The following NPC1 variants were observed in gnomAD, a reference collection of about 807,000 sequenced individuals.
NPC1 encodes NPC intracellular cholesterol transporter 1.
Under a neutral mutation model 140.4 loss-of-function variants are expected in NPC1, and 85 were observed. That is an observed-to-expected ratio of 0.61 (90% CI 0.51 to 0.72). The LOEUF (loss-of-function observed/expected upper bound fraction) is 0.72, where lower values mean the gene tolerates loss of function less well. Ranked by LOEUF, NPC1 falls within the 30% of genes least tolerant of loss-of-function variation. The pLI is 0.00. For missense variants in NPC1, 1,504 were observed against 1,623.8 expected (o/e 0.93, Z 1.27); for synonymous variants, 656 against 624.8 (o/e 1.05, Z -0.74).
At position 23,512,864 on chromosome 18, in the gene NPC1, C is replaced by A. The variant is rs146485581; in HGVS notation, c.432-6222G>T. ...GAAATAGCTCCAGAACTTTTTTCAT[C>A]TTGTGAAACCAAAACTATCCAGTAA... On this transcript the variant is annotated intron_variant, in intron 3 of 3. Transcript: ENST00000591107. Among the ~76,000 whole-genome samples the A allele has an allele frequency of 5.2e-3, 787 of 152,242 alleles. 7 individuals carry two copies. Among genetic ancestry groups the A allele is most frequent in the African/African-American group, 0.018 (761 of 41,534 alleles).
chr18:23,519,761 G>A (rs2058096884), downstream of NPC1, among the ~76,000 whole-genome samples: 3 of 152,188 alleles, frequency 2.0e-5, no homozygotes, highest in Admixed American at 2.0e-4. Flanking sequence ...TGTTGCAATT[G>A]TGAGCATGGA....
At position 23,544,940 on chromosome 18, in the gene NPC1, A is replaced by ACCCCCCCCCC. The variant is rs770879191; in HGVS notation, c.1947+19_1947+20insGGGGGGGGGG. On this transcript the variant is annotated intron_variant, in intron 12 of 24. Transcript: ENST00000269228. ...ACTGCTGTTAACCTCTAGAACATAC[A>ACCCCCCCCCC]CCACCCCCCCCCGGCTTACCAGAAG... is the stretch of plus-strand genomic sequence containing the variant. 2.5e-6 allele frequency: 3 copies of ACCCCCCCCCC among 1,206,146 alleles called. No homozygotes were observed. Among genetic ancestry groups the ACCCCCCCCCC allele is most frequent in the African/African-American group, 2.0e-5 (1 of 50,632 alleles). The allele number at this position is 1,206,146 out of a possible 1,614,324, so 74.7% of individuals were successfully genotyped here. A position where few individuals can be genotyped will look rare whatever the true frequency, so the allele number is the denominator to read the frequency against.
Position 23,531,584 on chromosome 18 carries a change from C to T in NPC1, c.*618G>A, listed in dbSNP as rs1361373693. The T allele has an allele frequency of 5.0e-6, 8 of 1,599,422 alleles. No homozygotes were observed. Among genetic ancestry groups the T allele is most frequent in the Non-Finnish European group, 8.5e-7 (1 of 1,174,852 alleles). ...GAGATGCTTTCTTTGTCCCTCATTT[C>T]ATGCCACATCTAACTGGCAATTAAA... On this transcript the variant is annotated 3_prime_UTR_variant, in exon 25 of 25. Transcript: ENST00000269228.
intron 3 of NPC1, among the ~76,000 whole-genome samples, chr18:23,507,288 C>T (rs1485848849): frequency 6.6e-6 from 1 of 152,064 alleles, no homozygotes; most frequent in East Asian, 1.9e-4. Flanking sequence ...TTGAGCCAGT[C>T]TTCCTTTGTT....
At chr18:23,529,285 T>G (rs763356885), downstream of NPC1, 15 of 1,612,570 alleles carry the variant, frequency 9.3e-6, no homozygotes, top group South Asian at 8.8e-5. Context: ...CTGTCAGCCT[T>G]TGTGGAAAAG....
chr18:23,555,519 G>A (rs1243560012), intron 8 of NPC1, among the ~76,000 whole-genome samples: 1 of 152,182 alleles, frequency 6.6e-6, no homozygotes, highest in Non-Finnish European at 1.5e-5. Context: ...TCAAGTCTTG[G>A]GACCATTTTA....
In NPC1 at chr18:23,539,962, A is replaced by G. The variant is rs772140862; in HGVS notation, c.2644T>C (p.Tyr882His). The change falls in exon 18 of 25, where the codon TAC becomes CAC. Residue 882 changes from tyrosine (Y) to histidine (H), a missense_variant. Tyr to His is a moderately conservative substitution (Grantham distance 83). Transcript: ENST00000269228. ...MVDYFKSISQ[Y>H]LHAGPPVYFV... is the part of the protein sequence containing the mutation. ...TACACAGGCGGACCCGCATGCAGGT[A>G]CTGACTGATGGATTTGAAATAATCC... 1 of 1,614,240 alleles carries G rather than the reference A, an allele frequency of 6.2e-7. No homozygotes were observed. The highest frequency in any genetic ancestry group is 1.7e-5 in the Admixed American group (1 of 60,034).
chr18:23,534,637 T>C, intron 22 of NPC1, 78 bp from the exon 23 acceptor site: 1 of 1,165,510 alleles, frequency 8.6e-7, no homozygotes, highest in South Asian at 1.3e-5. Context: ...TGAGGATGGG[T>C]GCTAATTACC....
chr18:23,512,736 A>G (rs2057895752), intron 3 of NPC1, among the ~76,000 whole-genome samples: 1 of 151,878 alleles, frequency 6.6e-6, no homozygotes, highest in Admixed American at 6.6e-5. Context: ...TGTGGTCAAA[A>G]ATATTTTTTT....
chr18:23,510,019 T>TAA (rs531660350), intron 3 of NPC1, among the ~76,000 whole-genome samples: 1 of 132,312 alleles, frequency 7.6e-6, no homozygotes, highest in Non-Finnish European at 1.6e-5. Flanking sequence ...AGTAATAAAT[T>TAA]AAAAAAAAAA....
rs1368758366 is a variant in NPC1 at position 23,544,448 on chromosome 18, T to C, written c.2026A>G (p.Ser676Gly). 2.5e-6 allele frequency: 4 copies of C among 1,614,154 alleles called. No homozygotes were observed. The highest frequency in any genetic ancestry group is 3.4e-6 in the Non-Finnish European group (4 of 1,180,022). Residue 676 changes from serine (S) to glycine (G), a missense_variant, in exon 13 of 25, where the codon AGC becomes GGC. By Grantham distance (56) the Ser-to-Gly change is moderately conservative (BLOSUM62 0). Transcript: ENST00000269228. ...SSVACSLGVFSYIGLPLTLIV... is the reference protein window; with the variant it reads ...SSVACSLGVFGYIGLPLTLIV... ...AGGGTCAAGGGCAACCCAATGTAGCTGAAGACACCCAAGGAGCAAGCCACC... is the reference window on the plus strand; with the variant it reads ...AGGGTCAAGGGCAACCCAATGTAGCCGAAGACACCCAAGGAGCAAGCCACC...
In NPC1 at chr18:23,539,964, T is replaced by G. The variant is rs1404838666; in HGVS notation, c.2642A>C (p.Gln881Pro). 6.2e-7 allele frequency: 1 copy of G among 1,614,214 alleles called. No individual in the cohort carries two copies. Among genetic ancestry groups the G allele is most frequent in the East Asian group, 2.2e-5 (1 of 44,888 alleles). Residue 881 changes from glutamine to proline, a missense_variant, in exon 18 of 25, where the codon CAG becomes CCG. By Grantham distance (76) the Gln-to-Pro change is moderately conservative (BLOSUM62 -1). Transcript: ENST00000269228. ...CACAGGCGGACCCGCATGCAGGTAC[T>G]GACTGATGGATTTGAAATAATCCAC... Reference protein sequence around the residue: ...YMVDYFKSISQYLHAGPPVYF... With the variant: ...YMVDYFKSISPYLHAGPPVYF...
intron 7 of NPC1, among the ~76,000 whole-genome samples, chr18:23,556,871 G>A (rs1020425930): frequency 2.0e-5 from 3 of 152,244 alleles, no homozygotes; most frequent in Non-Finnish European, 4.4e-5. Flanking sequence ...ACCCTGCCCT[G>A]CTATTCCCAC....
chr18:23,572,205 C>T (rs1432329665), intron 2 of NPC1, 25 bp from the exon 3 acceptor site: 17 of 1,503,732 alleles, frequency 1.1e-5, no homozygotes, highest in Non-Finnish European at 1.6e-5. Context: ...AGCACAGACA[C>T]GGGAGTAGGC....
At chr18:23,556,831 G>A (rs988359897) in intron 7 of NPC1, among the ~76,000 whole-genome samples, 3 of 152,186 alleles carry the variant, frequency 2.0e-5, no homozygotes, top group Non-Finnish European at 4.4e-5. Flanking sequence ...AGGAGATGCC[G>A]ACACAGGAGC....
rs561279641 is a variant in NPC1 at position 23,512,089 on chromosome 18, C to T, written c.432-5447G>A. Among the ~76,000 whole-genome samples the T allele has an allele frequency of 4.0e-5, 6 of 149,172 alleles. No homozygotes were observed. The South Asian group carries it at 6.4e-4, about 16-fold the overall frequency. On this transcript the variant is annotated intron_variant, in intron 3 of 3. Transcript: ENST00000591107. Reference sequence around the variant, plus strand: ...AGGCTGGAGTGCAATGGTGCGATCTCGGCTCACGGCAACCTCCACCTCCTG... The same window carrying T: ...AGGCTGGAGTGCAATGGTGCGATCTTGGCTCACGGCAACCTCCACCTCCTG...
downstream of NPC1, chr18:23,527,667 G>GTATTTCTTAT (rs1436780982): frequency 8.9e-6 from 3 of 337,990 alleles, no homozygotes; most frequent in South Asian, 2.3e-5. Context: ...CTTTAAAGTA[G>GTATTTCTTAT]AGTGTCCTTT....
At chr18:23,516,226 A>C in intron 3 of NPC1, 1 of 1,447,918 alleles carries the variant, frequency 6.9e-7, no homozygotes, top group Non-Finnish European at 9.7e-7. Context: ...CCAAAGACGA[A>C]GTCTGTGTTT....
Position 23,515,560 on chromosome 18 carries a change from GCT to G in NPC1, c.432-8920_432-8919del, listed in dbSNP as rs549935688. Among the ~76,000 whole-genome samples the G allele has an allele frequency of 1.7e-4, 26 of 152,250 alleles. No homozygotes were observed. The South Asian group carries it at 5.4e-3, about 32-fold the overall frequency. On this transcript the variant is annotated intron_variant, in intron 3 of 3. Coordinates refer to the NPC1 transcript ENST00000591107. ...TATTTATTAATTGAGACTGAATCTC[GCT>G]CTGTCACTCACGCTGGAGTGTGATG...
Sources: allele counts gnomAD v4.1 joint callset (sites outside exome capture counted in the v4.1 genomes callset), GRCh38; gene constraint gnomAD v4.1.1; transcripts MANE v1.5; gene names NCBI Gene and HGNC (gene_info 2026-07-23, HGNC 2026-07-21).